The following CHTF8 variants were observed in gnomAD, a reference collection of about 807,000 sequenced individuals.
The protein encoded by CHTF8 is chromosome transmission fidelity protein 8 homolog.
A neutral mutation model predicts 11.0 loss-of-function variants in CHTF8; 6 were observed. That is an observed-to-expected ratio of 0.55 (90% confidence interval 0.30 to 1.08). The LOEUF is 1.08. Among genes scored for constraint, CHTF8 ranks in the 50% least tolerant of loss-of-function variants. The pLI is 0.07. For synonymous variants in CHTF8, 53 were observed against 60.5 expected (o/e 0.88, Z 0.57); for missense variants, 140 against 153.1 (o/e 0.91, Z 0.45).
At position 69,118,555 on chromosome 16, in the gene CHTF8, G is replaced by GAAAC. The variant is rs776502033; in HGVS notation, c.*1866_*1869dup. On this transcript the variant is annotated 3_prime_UTR_variant, in exon 4 of 4. Coordinates refer to ENST00000448552, the MANE Select transcript of CHTF8 (RefSeq NM_001039690.5). ...GGAAAAGTCCACAAGAACAATTCAA[G>GAAAC]AAACTAGTAAGAAACAATGGGCAGA... 6.2e-6 allele frequency: 5 copies of GAAAC among 811,174 alleles called. No individual in the cohort carries two copies. The African/African-American group carries it at 6.7e-5, about 11-fold the overall frequency. 50.2% of individuals were successfully genotyped at this position (811,174 alleles called of 1,614,324 possible). A position where few individuals can be genotyped will look rare whatever the true frequency, so the allele number is the denominator to read the frequency against.
Position 69,121,044 on chromosome 16 carries a change from C to A in CHTF8, c.141+9G>T. On this transcript the variant is annotated intron_variant, in intron 3 of 3. Transcript: ENST00000448552. ...GAGGCATTAGGCAGGGAAAGAAAAG[C>A]CCCCTCACCTCAGTGGTGTAATGTA... The A allele has an allele frequency of 6.2e-7, 1 of 1,610,180 alleles. No homozygotes were observed. Among genetic ancestry groups the A allele is most frequent in the South Asian group, 1.1e-5 (1 of 91,002 alleles).
rs768363090 is a variant in CHTF8 at position 69,120,033 on chromosome 16, C to T, written c.*392G>A. On this transcript the variant is annotated 3_prime_UTR_variant, in exon 4 of 4. Transcript: ENST00000448552. This position sits in a 1 kb window ranked among gnomAD's most constrained non-coding sequence, Gnocchi z 4.0. ...GCCCTGGGCCTGGCAGAGCCCCTGT[C>T]CTAGGGTTTAGGGTGGGGCCTGGGC... The T allele has an allele frequency of 2.9e-6, 2 of 691,200 alleles. No individual in the cohort carries two copies. The highest frequency in any genetic ancestry group is 4.2e-5 in the Admixed American group (2 of 47,558). 42.8% of individuals were successfully genotyped at this position (691,200 alleles called of 1,614,324 possible). A position where few individuals can be genotyped will look rare whatever the true frequency, so the allele number is the denominator to read the frequency against.
In CHTF8 at chr16:69,118,669, C is replaced by T; in HGVS notation, c.*1756G>A. On this transcript the variant is annotated 3_prime_UTR_variant, in exon 4 of 4. Coordinates refer to ENST00000448552, the MANE Select transcript of CHTF8 (RefSeq NM_001039690.5). ...GATTATTCCCACCTGCCACAGTTCACATGCCACAAATAACATCTCACCTTC... is the reference window on the plus strand; with the variant it reads ...GATTATTCCCACCTGCCACAGTTCATATGCCACAAATAACATCTCACCTTC... 4.4e-6 allele frequency: 3 copies of T among 684,124 alleles called. No homozygotes were observed. Among genetic ancestry groups the T allele is most frequent in the Middle Eastern group, 5.3e-4 (2 of 3,778 alleles). The allele number at this position is 684,124 out of a possible 1,614,324, so 42.4% of individuals were successfully genotyped here.
Position 69,118,198 on chromosome 16 carries a change from A to C in CHTF8, c.*2227T>G. ...TGAGGTTCTTTGATTGATTGGGAGT[A>C]CCAGTGAAGAGGGAGTTGGATGAGT... On this transcript the variant is annotated 3_prime_UTR_variant, in exon 4 of 4. Transcript: ENST00000448552. 1 of 495,632 alleles carries C rather than the reference A, an allele frequency of 2.0e-6. No individual in the cohort carries two copies. Among genetic ancestry groups the C allele is most frequent in the South Asian group, 2.0e-5 (1 of 50,894 alleles). 30.7% of individuals were successfully genotyped at this position (495,632 alleles called of 1,614,324 possible).
At chr16:69,121,290 G>T in intron 2 of CHTF8, 120 bp from the exon 3 acceptor site, 1 of 1,242,142 alleles carries the variant, frequency 8.1e-7, no homozygotes, top group Non-Finnish European at 1.1e-6. Context: ...TTGGGAAATT[G>T]GGCAGTGCTA....
chr16:69,128,439 C>G (rs575741476), intron 1 of CHTF8, among the ~76,000 whole-genome samples: 2 of 152,156 alleles, frequency 1.3e-5, no homozygotes, highest in African/African-American at 4.8e-5. Flanking sequence ...ATAAAGAAAA[C>G]CAAACCTTTC....
In CHTF8 at chr16:69,118,247, C is replaced by A; in HGVS notation, c.*2178G>T. 1.3e-6 allele frequency: 1 copy of A among 743,580 alleles called. No individual in the cohort carries two copies. Among genetic ancestry groups the A allele is most frequent in the South Asian group, 1.5e-5 (1 of 66,376 alleles). The allele number at this position is 743,580 out of a possible 1,614,324, so 46.1% of individuals were successfully genotyped here. ...GTAGAGGGGCCTTAAATCTGGCCAC[C>A]TCTAAGTCCCAGGAGAAGGGAGCTG... On this transcript the variant is annotated 3_prime_UTR_variant, in exon 4 of 4. Transcript: ENST00000448552.
intron 1 of CHTF8, among the ~76,000 whole-genome samples, chr16:69,130,670 C>T (rs1257541464): frequency 6.6e-6 from 1 of 152,200 alleles, no homozygotes; most frequent in Non-Finnish European, 1.5e-5. Context: ...AAGCTTTTAG[C>T]ACATTGTCTG....
intron 1 of CHTF8, among the ~76,000 whole-genome samples, chr16:69,126,770 C>G (rs1962088791): frequency 1.3e-5 from 2 of 152,156 alleles, no homozygotes; most frequent in African/African-American, 4.8e-5. Context: ...TAAAATTCTA[C>G]TTTAGCACCT....
At chr16:69,128,345 A>G (rs1962239648) in intron 1 of CHTF8, among the ~76,000 whole-genome samples, 2 of 152,216 alleles carry the variant, frequency 1.3e-5, no homozygotes, top group Non-Finnish European at 2.9e-5. Flanking sequence ...TAGCTTTTCA[A>G]AAAGATTTAA....
intron 1 of CHTF8, among the ~76,000 whole-genome samples, chr16:69,123,555 G>T (rs1961833858): frequency 6.6e-6 from 1 of 151,978 alleles, no homozygotes; most frequent in Non-Finnish European, 1.5e-5. Context: ...TATTCGGCAG[G>T]CTGAGGTAAG....
At position 69,128,836 on chromosome 16, in the gene CHTF8, C is replaced by T. The variant is rs1013040542; in HGVS notation, c.-36+3648G>A. 1.4e-4 allele frequency among the ~76,000 whole-genome samples: 21 copies of T among 152,168 alleles called. No individual in the cohort carries two copies. In the South Asian group the frequency reaches 3.5e-3, roughly 26 times the overall value. On this transcript the variant is annotated intron_variant, in intron 1 of 3. Transcript: ENST00000448552. ...ATCCCAGCACTTTGGGAGCCCAAGG[C>T]GGGTAGATCATGAAGTCATGAGTTC...
At chr16:69,129,423 C>A (rs1365858596) in intron 1 of CHTF8, among the ~76,000 whole-genome samples, 4 of 128,708 alleles carry the variant, frequency 3.1e-5, no homozygotes, top group Non-Finnish European at 6.5e-5. Flanking sequence ...GAGCGAGACT[C>A]CGTCACAAAA....
In CHTF8 at chr16:69,120,763, G is replaced by C. The variant is rs1332689346; in HGVS notation, c.142-114C>G. On this transcript the variant is annotated intron_variant, in intron 3 of 3. Transcript: ENST00000448552. This position sits in a 1 kb window ranked among gnomAD's most constrained non-coding sequence, Gnocchi z 4.0. ...GCTGGCACCTCCAATCCCTGGTCTG[G>C]CTCTGCCATTGTTGAGCAGCCACAC... is the stretch of plus-strand genomic sequence containing the variant. 4.3e-6 allele frequency: 4 copies of C among 935,764 alleles called. No individual in the cohort carries two copies. The African/African-American group carries it at 6.5e-5, about 15-fold the overall frequency. 58.0% of individuals were successfully genotyped at this position (935,764 alleles called of 1,614,324 possible). A position where few individuals can be genotyped will look rare whatever the true frequency, so the allele number is the denominator to read the frequency against.
At position 69,119,156 on chromosome 16, in the gene CHTF8, T is replaced by G; in HGVS notation, c.*1269A>C. The G allele has an allele frequency of 4.3e-6, 3 of 702,976 alleles. No individual in the cohort carries two copies. In the South Asian group the frequency reaches 4.4e-5, roughly 10 times the overall value. The allele number at this position is 702,976 out of a possible 1,614,324, so 43.5% of individuals were successfully genotyped here. A position where few individuals can be genotyped will look rare whatever the true frequency, so the allele number is the denominator to read the frequency against. On this transcript the variant is annotated 3_prime_UTR_variant, in exon 4 of 4. Transcript: ENST00000448552. The stretch of plus-strand genomic sequence containing the variant: ...GGGCCAGTAGACCTTGGGAAGGTAG[T>G]TGGACTTGGACCCTGCAGGCCAGTG...
intron 1 of CHTF8, among the ~76,000 whole-genome samples, chr16:69,130,756 G>C (rs1186838045): frequency 6.6e-6 from 1 of 152,168 alleles, no homozygotes; most frequent in Non-Finnish European, 1.5e-5. Context: ...TCATCAAATA[G>C]AATGTCTTAA....
intron 1 of CHTF8, among the ~76,000 whole-genome samples, chr16:69,129,215 G>A (rs1962310352): frequency 6.6e-6 from 1 of 151,970 alleles, no homozygotes. Flanking sequence ...CAGATCACGA[G>A]GTCAGGAGAT....
chr16:69,121,243 T>G, intron 2 of CHTF8, 73 bp from the exon 3 acceptor site: 5 of 1,434,830 alleles, frequency 3.5e-6, no homozygotes, highest in Non-Finnish European at 4.8e-6. Flanking sequence ...CACCACCATT[T>G]GAGGCCCAAA....
chr16:69,129,491 T>C (rs1323625981), intron 1 of CHTF8, among the ~76,000 whole-genome samples: 2 of 145,468 alleles, frequency 1.4e-5, no homozygotes, highest in Admixed American at 1.4e-4. Context: ...ATTTTTATAA[T>C]ACAAAAGGCT....
Sources: allele counts gnomAD v4.1 joint callset (sites outside exome capture counted in the v4.1 genomes callset), GRCh38; gene constraint gnomAD v4.1.1; non-coding constraint Gnocchi (gnomAD v3.1); transcripts MANE v1.5; gene names NCBI Gene and HGNC (gene_info 2026-07-23, HGNC 2026-07-21).